The following COL4A3 variants were observed in gnomAD, a reference collection of about 807,000 sequenced individuals.
COL4A3 encodes collagen type IV alpha 3 chain, also known as collagen alpha-3(IV) chain.
In COL4A3, 135 loss-of-function variants were observed where a neutral mutation model predicts 217.4. The observed-to-expected ratio is 0.62, with a 90% CI of 0.54 to 0.72. The LOEUF is 0.72. COL4A3 is among the 30% of genes least tolerant of loss of function. COL4A3 has a pLI of 0.00. For missense variants in COL4A3, 1,868 were observed against 2,119.9 expected, an observed-to-expected ratio of 0.88 and a Z score of 2.33; for synonymous variants, 690 against 736.3, an observed-to-expected ratio of 0.94 and a Z score of 1.02.
intron 41 of COL4A3, among the ~76,000 whole-genome samples, chr2:227,295,818 G>A (rs1274020888): frequency 6.6e-6 from 1 of 152,146 alleles, no homozygotes; most frequent in Non-Finnish European, 1.5e-5. Flanking sequence ...GCAGTTTACT[G>A]AACATGTCAT....
intron 26 of COL4A3, among the ~76,000 whole-genome samples, chr2:227,275,365 G>A (rs1228440727): frequency 6.6e-6 from 1 of 152,062 alleles, no homozygotes; most frequent in African/African-American, 2.4e-5. Flanking sequence ...ATTTTTAGTA[G>A]AGACGGGGTT....
At position 227,253,384 on chromosome 2, in the gene COL4A3, C is replaced by A; in HGVS notation, c.687+47C>A. On this transcript the variant is annotated intron_variant, in intron 12 of 51. Transcript: ENST00000396578. This position sits in a 1 kb window ranked among gnomAD's most constrained non-coding sequence, Gnocchi z 4.4. ...ATTAGCAGGCGAGATATTTTATGTC[C>A]CAGAGCATATCAGCCTATACCGTTT... 6.3e-7 allele frequency: 1 copy of A among 1,586,962 alleles called. No homozygotes were observed. The highest frequency in any genetic ancestry group is 8.7e-7 in the Non-Finnish European group (1 of 1,155,460).
At chr2:227,236,523 T>C (rs2068710613) in intron 1 of COL4A3, among the ~76,000 whole-genome samples, 1 of 152,222 alleles carries the variant, frequency 6.6e-6, no homozygotes, top group African/African-American at 2.4e-5. Flanking sequence ...GTATATCTCC[T>C]AGATTTGCCT....
intron 1 of COL4A3, among the ~76,000 whole-genome samples, chr2:227,195,624 C>G (rs558872907): frequency 1.4e-5 from 2 of 143,858 alleles, no homozygotes; most frequent in Non-Finnish European, 3.0e-5. Context: ...CCATAATATA[C>G]TTTTTATTAT....
chr2:227,256,473 C>A, intron 17 of COL4A3, 77 bp downstream of exon 17: 2 of 1,157,410 alleles, frequency 1.7e-6, no homozygotes, highest in African/African-American at 1.5e-5. Flanking sequence ...AACCCTGGAC[C>A]TAAGTACAAG....
intron 34 of COL4A3, among the ~76,000 whole-genome samples, chr2:227,286,368 G>A (rs984991395): frequency 9.2e-5 from 14 of 152,110 alleles, no homozygotes; most frequent in Non-Finnish European, 7.4e-5. Flanking sequence ...GGGGTGGGGA[G>A]CCTGTAATTC....
chr2:227,173,450 G>A (rs1021665592), intron 1 of COL4A3, among the ~76,000 whole-genome samples: 2 of 152,164 alleles, frequency 1.3e-5, no homozygotes, highest in African/African-American at 4.8e-5. Context: ...AGCCATGTCA[G>A]CCTTTCCATT....
intron 1 of COL4A3, among the ~76,000 whole-genome samples, chr2:227,235,899 G>T (rs2068668362): frequency 6.6e-6 from 1 of 150,598 alleles, no homozygotes; most frequent in East Asian, 2.0e-4. Flanking sequence ...TCAGCTTCCC[G>T]AGTAGCTGAG....
At position 227,272,608 on chromosome 2, in the gene COL4A3, A is replaced by G. The variant is rs73993881; in HGVS notation, c.1759-341A>G. ...TGTGCTCATTTTATTTCAGAAATGT[A>G]ACATTATCATGAATATCACCACTAA... On this transcript the variant is annotated intron_variant, in intron 25 of 51. Coordinates refer to ENST00000396578, the MANE Select transcript of COL4A3 (RefSeq NM_000091.5). Among the ~76,000 whole-genome samples, 322 of 152,366 alleles carry G rather than the reference A, an allele frequency of 2.1e-3. 3 individuals carry two copies. Among genetic ancestry groups the G allele is most frequent in the African/African-American group, 7.5e-3 (311 of 41,588 alleles).
At chr2:227,274,272 A>AATAAATAAATTT (rs1316074521) in intron 26 of COL4A3, among the ~76,000 whole-genome samples, 2 of 149,076 alleles carry the variant, frequency 1.3e-5, no homozygotes, top group African/African-American at 5.1e-5. Context: ...TAAATAAATA[A>AATAAATAAATTT]ATTTTAAAAA....
At chr2:227,286,035 A>C (rs538261948) in intron 34 of COL4A3, among the ~76,000 whole-genome samples, 4 of 152,380 alleles carry the variant, frequency 2.6e-5, no homozygotes, top group African/African-American at 9.6e-5. Context: ...TCCTCTCCAC[A>C]AGGAGGCTGC....
At chr2:227,267,983 G>C (rs1345921540) in intron 23 of COL4A3, among the ~76,000 whole-genome samples, 1 of 152,120 alleles carries the variant, frequency 6.6e-6, no homozygotes, top group Non-Finnish European at 1.5e-5. Flanking sequence ...GCAAAACTTT[G>C]AAGTACAAAA....
intron 1 of COL4A3, among the ~76,000 whole-genome samples, chr2:227,234,224 G>A (rs1053225710): frequency 6.6e-6 from 1 of 152,144 alleles, no homozygotes; most frequent in Admixed American, 6.6e-5. Context: ...GATGGAGTAG[G>A]TGGGACAACT....
chr2:227,195,516 A>G (rs1168811363), intron 1 of COL4A3, among the ~76,000 whole-genome samples: 1 of 152,170 alleles, frequency 6.6e-6, no homozygotes, highest in Non-Finnish European at 1.5e-5. Flanking sequence ...GTGTAAACAA[A>G]GCTACTGCAC....
At position 227,266,988 on chromosome 2, in the gene COL4A3, T is replaced by A. The variant is rs1326827703; in HGVS notation, c.1409-5T>A. 2 of 1,603,272 alleles carry A rather than the reference T, an allele frequency of 1.2e-6. No individual in the cohort carries two copies. Among genetic ancestry groups the A allele is most frequent in the Non-Finnish European group, 1.7e-6 (2 of 1,170,298 alleles). ...TTAAGTAATGCTAGTATGCTCTCAT[T>A]GCAGGAGAACCAGGCCTCCTGTGTA... On this transcript the variant is annotated splice_polypyrimidine_tract_variant and splice_region_variant and intron_variant, in intron 22 of 51. Coordinates refer to ENST00000396578, the MANE Select transcript of COL4A3 (RefSeq NM_000091.5).
At chr2:227,292,739 C>T (rs2106223585) in intron 37 of COL4A3, among the ~76,000 whole-genome samples, 1 of 152,336 alleles carries the variant, frequency 6.6e-6, no homozygotes, top group Non-Finnish European at 1.5e-5. Flanking sequence ...CCCAGCTACT[C>T]ATCACAATTT....
intron 1 of COL4A3, among the ~76,000 whole-genome samples, chr2:227,198,540 A>T (rs57803516): frequency 0.015 from 2,334 of 152,338 alleles, 55 homozygotes; most frequent in African/African-American, 0.053. Flanking sequence ...TTAGACAATC[A>T]CATTAAATAA....
intron 21 of COL4A3, 118 bp from the exon 22 acceptor site, chr2:227,266,299 G>A (rs1184940276): frequency 1.2e-6 from 1 of 803,396 alleles, no homozygotes; most frequent in Non-Finnish European, 2.1e-6. Context: ...AACTTCTAAA[G>A]ACTAGGCTTC....
At chr2:227,285,281 A>AACAAAAAC (rs1280219561) in intron 34 of COL4A3, among the ~76,000 whole-genome samples, 6 of 148,672 alleles carry the variant, frequency 4.0e-5, no homozygotes, top group African/African-American at 1.5e-4. Context: ...CAAACCTAAA[A>AACAAAAAC]AAAAAAAAAA....
Sources: gnomAD v4.1 joint callset for allele counts (sites outside exome capture counted in the v4.1 genomes callset) on GRCh38, gnomAD v4.1.1 for gene constraint, Gnocchi (gnomAD v3.1) non-coding constraint, MANE v1.5 for transcripts, NCBI Gene and HGNC (gene_info 2026-07-23, HGNC 2026-07-21) for gene names.